Variants in OSBPL10 observed in about 807,000 individuals in gnomAD.
The protein encoded by OSBPL10 is oxysterol-binding protein-related protein 10.
OSBPL10 carries 49 observed loss-of-function variants against 81.7 expected under a neutral mutation model. The ratio of observed to expected loss-of-function variants is 0.60; its 90% CI spans 0.48 to 0.76. The LOEUF is 0.76. Among genes scored for constraint, OSBPL10 ranks in the 30% least tolerant of loss-of-function variants. OSBPL10 has a pLI of 0.00. For missense variants in OSBPL10, 923 were observed against 987.8 expected (o/e 0.93, Z 0.88); for synonymous variants, 419 against 383.6 (o/e 1.09, Z -1.08).
chr3:31,972,308 G>C (rs1698588169), intron 1 of OSBPL10, among the ~76,000 whole-genome samples: 1 of 152,222 alleles, frequency 6.6e-6, no homozygotes. Context: ...AGAATCGCTT[G>C]AACCCAGGAG....
chr3:31,766,779 C>A (rs774270332), intron 4 of OSBPL10, among the ~76,000 whole-genome samples: 1 of 152,146 alleles, frequency 6.6e-6, no homozygotes, highest in Non-Finnish European at 1.5e-5. Context: ...AATAATGGAG[C>A]ATTTCTCTAA....
chr3:31,665,109 G>C (rs926048503), intron 10 of OSBPL10, among the ~76,000 whole-genome samples: 2 of 152,152 alleles, frequency 1.3e-5, no homozygotes, highest in Admixed American at 6.5e-5. Context: ...AAGGAAAGAA[G>C]CTAGTGTTTA....
chr3:31,854,487 T>C (rs1163416775), intron 3 of OSBPL10, among the ~76,000 whole-genome samples: 4 of 152,210 alleles, frequency 2.6e-5, no homozygotes, highest in African/African-American at 9.6e-5. Context: ...TGGAAATGAT[T>C]AATAGGTAAC....
intron 4 of OSBPL10, among the ~76,000 whole-genome samples, chr3:31,796,835 G>C (rs1483514296): frequency 6.6e-6 from 1 of 152,080 alleles, no homozygotes. Context: ...CACAGGAAGT[G>C]TCAACTTCAT....
chr3:31,668,605 G>T, intron 10 of OSBPL10, 37 bp downstream of exon 10: 1 of 1,542,338 alleles, frequency 6.5e-7, no homozygotes, highest in South Asian at 1.3e-5. Context: ...TGCCCAGCAT[G>T]ACTAAGCTGG....
chr3:31,762,856 T>C (rs1310957901), intron 4 of OSBPL10, among the ~76,000 whole-genome samples: 2 of 151,840 alleles, frequency 1.3e-5, no homozygotes, highest in Non-Finnish European at 2.9e-5. Flanking sequence ...ATGCGAGGTG[T>C]CAGGACTGAA....
chr3:31,789,678 G>C (rs1698963224), intron 4 of OSBPL10, among the ~76,000 whole-genome samples: 1 of 152,228 alleles, frequency 6.6e-6, no homozygotes, highest in South Asian at 2.1e-4. Context: ...GGAGCTGCAA[G>C]TCAGCAGGTA....
intron 3 of OSBPL10, among the ~76,000 whole-genome samples, chr3:31,841,808 A>G (rs1700505383): frequency 1.3e-5 from 2 of 152,196 alleles, no homozygotes; most frequent in Non-Finnish European, 2.9e-5. Flanking sequence ...TGTACTTATT[A>G]TTTTAATTAC....
chr3:31,897,135 G>A (rs1445725486), intron 1 of OSBPL10, among the ~76,000 whole-genome samples: 1 of 152,112 alleles, frequency 6.6e-6, no homozygotes, highest in African/African-American at 2.4e-5. Context: ...AGAAAACAAA[G>A]AACTAAAACT....
At chr3:32,057,017 C>T (rs1699717779) in intron 1 of OSBPL10, among the ~76,000 whole-genome samples, 1 of 152,212 alleles carries the variant, frequency 6.6e-6, no homozygotes, top group South Asian at 2.1e-4. Context: ...AATGCATTAG[C>T]ATGCTAAAAG....
chr3:31,691,670 G>A lies in OSBPL10; in HGVS notation c.1246-7556C>T, dbSNP rs80287321. Among the ~76,000 whole-genome samples, 432 of 152,232 alleles carry A rather than the reference G, an allele frequency of 2.8e-3. 3 individuals carry two copies. The highest frequency in any genetic ancestry group is 9.9e-3 in the African/African-American group (412 of 41,532). On this transcript the variant is annotated intron_variant, in intron 7 of 11. Coordinates refer to ENST00000396556, the MANE Select transcript of OSBPL10 (RefSeq NM_017784.5). ...CACTTGAGCCCAGGACTTTCTGGCT[G>A]CAGGGAGCTATGATTGCACCACTGT...
chr3:32,019,119 T>C (rs1368378031), intron 2 of OSBPL10, among the ~76,000 whole-genome samples: 2 of 152,100 alleles, frequency 1.3e-5, no homozygotes, highest in Non-Finnish European at 2.9e-5. Context: ...TTTTAGAACA[T>C]CAACATCACC....
intron 4 of OSBPL10, among the ~76,000 whole-genome samples, chr3:31,758,730 C>T (rs1335054084): frequency 4.6e-5 from 7 of 152,192 alleles, no homozygotes; most frequent in African/African-American, 7.2e-5. Context: ...TTTTTTTGAA[C>T]ATGGATCTCA....
chr3:31,807,468 C>T (rs1191748847), intron 4 of OSBPL10, among the ~76,000 whole-genome samples: 1 of 150,264 alleles, frequency 6.7e-6, no homozygotes, highest in Non-Finnish European at 1.5e-5. Context: ...GTAGAGACTG[C>T]TAAAATGCAA....
At chr3:31,770,352 T>C (rs1215138915) in intron 4 of OSBPL10, among the ~76,000 whole-genome samples, 1 of 152,130 alleles carries the variant, frequency 6.6e-6, no homozygotes, top group Non-Finnish European at 1.5e-5. Flanking sequence ...TCGACCCAAA[T>C]AGCCCATTTC....
chr3:31,939,220 C>T (rs1697470345), intron 1 of OSBPL10, among the ~76,000 whole-genome samples: 1 of 148,558 alleles, frequency 6.7e-6, no homozygotes, highest in Non-Finnish European at 1.5e-5. Flanking sequence ...TCTTGGCTCA[C>T]TGCAACCTCC....
intron 1 of OSBPL10, among the ~76,000 whole-genome samples, chr3:31,888,701 A>T (rs1009495775): frequency 6.6e-6 from 1 of 152,168 alleles, no homozygotes; most frequent in Non-Finnish European, 1.5e-5. Flanking sequence ...TGGGCAGATC[A>T]CCTGAGGTCA....
intron 1 of OSBPL10, among the ~76,000 whole-genome samples, chr3:31,887,357 C>T (rs1409794527): frequency 6.6e-6 from 1 of 152,124 alleles, no homozygotes; most frequent in Non-Finnish European, 1.5e-5. Context: ...TCCCGAGTGT[C>T]CCATATGTTT....
intron 2 of OSBPL10, chr3:32,046,100 C>T (rs1699619401): frequency 1.3e-5 from 2 of 152,302 alleles, no homozygotes; most frequent in East Asian, 3.9e-4. Flanking sequence ...GGGCCCTCAG[C>T]CCAGCACAGT....
Sources: allele counts gnomAD v4.1 joint callset (sites outside exome capture counted in the v4.1 genomes callset), GRCh38; gene constraint gnomAD v4.1.1; transcripts MANE v1.5; gene names NCBI Gene and HGNC (gene_info 2026-07-23, HGNC 2026-07-21).